FUT9: variants seen among roughly 807,000 people sequenced by gnomAD.
The protein encoded by FUT9 is 4-galactosyl-N-acetylglucosaminide 3-alpha-L-fucosyltransferase 9.
Under a neutral mutation model 29.7 loss-of-function variants are expected in FUT9, and 15 were observed. The ratio of observed to expected loss-of-function variants is 0.51; its 90% confidence interval spans 0.34 to 0.78. The LOEUF is 0.78. Ranked by LOEUF, FUT9 falls within the 30% of genes least tolerant of loss-of-function variation. The pLI is 0.01. For synonymous variants in FUT9, 169 were observed against 153.7 expected, an observed-to-expected ratio of 1.10 and a Z score of -0.74; for missense variants, 319 against 425.4, an observed-to-expected ratio of 0.75 and a Z score of 2.20.
Position 96,207,228 on chromosome 6 carries a change from C to T in FUT9, c.*2993C>T, listed in dbSNP as rs561947709. On this transcript the variant is annotated 3_prime_UTR_variant, in exon 3 of 3. Transcript: ENST00000302103. ...TATTCAAGACACACATTCACACACA[C>T]ATACACACACACACACACACACCCC... 3.3e-4 allele frequency: 36 copies of T among 108,594 alleles called. No individual in the cohort carries two copies. Among genetic ancestry groups the T allele is most frequent in the Non-Finnish European group, 4.9e-4 (20 of 40,802 alleles). 6.7% of individuals were successfully genotyped at this position (108,594 alleles called of 1,614,324 possible).
At chr6:96,056,365 G>C (rs1562110498) in intron 1 of FUT9, among the ~76,000 whole-genome samples, 1 of 152,142 alleles carries the variant, frequency 6.6e-6, no homozygotes, top group Non-Finnish European at 1.5e-5. Flanking sequence ...CTTTTGCCAA[G>C]GGCATTAAAA....
intron 1 of FUT9, among the ~76,000 whole-genome samples, chr6:96,096,761 T>A (rs1025785218): frequency 1.3e-5 from 2 of 151,410 alleles, no homozygotes; most frequent in African/African-American, 4.9e-5. Context: ...CTTTGCCTAC[T>A]CTATTGAAAA....
chr6:96,044,451 CTAAAG>C (rs200236730), intron 1 of FUT9, among the ~76,000 whole-genome samples: 1,768 of 152,280 alleles, frequency 0.012, 22 homozygotes, highest in African/African-American at 0.012. Context: ...GCCTGATAAA[CTAAAG>C]TAAACACAAA....
Position 96,040,525 on chromosome 6 carries a change from T to C in FUT9, c.-98+24313T>C, listed in dbSNP as rs553833697. Among the ~76,000 whole-genome samples, 4 of 152,258 alleles carry C rather than the reference T, an allele frequency of 2.6e-5. No homozygotes were observed. In the South Asian group the frequency reaches 8.3e-4, roughly 32 times the overall value. On this transcript the variant is annotated intron_variant, in intron 1 of 2. Transcript: ENST00000302103. Reference sequence around the variant, plus strand: ...CAGAAGGATCAGATCAAAAAACACCTTTCACGACAGGCAATTGAGCCGGCA... The same window carrying C: ...CAGAAGGATCAGATCAAAAAACACCCTTCACGACAGGCAATTGAGCCGGCA...
At position 96,178,412 on chromosome 6, in the gene FUT9, T is replaced by C. The variant is rs139052075; in HGVS notation, c.-8-24736T>C. On this transcript the variant is annotated intron_variant, in intron 2 of 2. Transcript: ENST00000302103. ...GTCATTTCTATTGTGCCACTAAATA[T>C]GTGATATTAGCACTAATCGAAATTT... 1.6e-3 allele frequency among the ~76,000 whole-genome samples: 248 copies of C among 152,308 alleles called. 4 individuals are homozygous for C. In the East Asian group the frequency reaches 0.044, roughly 27 times the overall value.
chr6:96,019,264 T>A (rs1186815486), intron 1 of FUT9, among the ~76,000 whole-genome samples: 1 of 151,952 alleles, frequency 6.6e-6, no homozygotes, highest in Non-Finnish European at 1.5e-5. Flanking sequence ...AACAATTTAG[T>A]GTCTTATGAA....
chr6:96,139,357 G>A (rs908825295), intron 2 of FUT9, among the ~76,000 whole-genome samples: 2 of 152,118 alleles, frequency 1.3e-5, no homozygotes, highest in African/African-American at 4.8e-5. Context: ...GTCTTTGCAG[G>A]GTACAGATCC....
intron 1 of FUT9, among the ~76,000 whole-genome samples, chr6:96,044,644 T>C (rs978116834): frequency 1.3e-5 from 2 of 149,440 alleles, no homozygotes; most frequent in Non-Finnish European, 2.9e-5. Flanking sequence ...TATTCTGTGC[T>C]TTTTTTTCCC....
chr6:96,059,054 T>G (rs957116624), intron 1 of FUT9, among the ~76,000 whole-genome samples: 2 of 152,216 alleles, frequency 1.3e-5, no homozygotes, highest in Non-Finnish European at 2.9e-5. Flanking sequence ...GTTTTTAATA[T>G]CTTGCTATAT....
At chr6:96,173,118 A>T (rs1311760235) in intron 2 of FUT9, among the ~76,000 whole-genome samples, 1 of 152,114 alleles carries the variant, frequency 6.6e-6, no homozygotes, top group Non-Finnish European at 1.5e-5. Flanking sequence ...TCCAGTCACA[A>T]TGGCATTTTT....
At chr6:96,057,294 A>G (rs961902239) in intron 1 of FUT9, among the ~76,000 whole-genome samples, 15 of 152,146 alleles carry the variant, frequency 9.9e-5, no homozygotes, top group African/African-American at 3.4e-4. Context: ...TACCTAGAAG[A>G]GTGGTAAAAT....
intron 1 of FUT9, among the ~76,000 whole-genome samples, chr6:96,051,769 TA>T (rs1770675415): frequency 6.6e-6 from 1 of 151,992 alleles, no homozygotes; most frequent in East Asian, 1.9e-4. Flanking sequence ...TGCAAACCAA[TA>T]TTATATATTA....
chr6:96,184,052 A>G (rs752310007), intron 2 of FUT9, among the ~76,000 whole-genome samples: 13 of 151,998 alleles, frequency 8.6e-5, no homozygotes, highest in Non-Finnish European at 1.2e-4. Context: ...GGTAGATTTC[A>G]GCTGTGACTC....
chr6:96,073,074 A>C (rs1456814736), intron 1 of FUT9, among the ~76,000 whole-genome samples: 1 of 152,172 alleles, frequency 6.6e-6, no homozygotes, highest in Non-Finnish European at 1.5e-5. Flanking sequence ...GAGCACAGGG[A>C]ACACCACGTT....
chr6:96,146,779 A>G (rs1280199976), intron 2 of FUT9, among the ~76,000 whole-genome samples: 1 of 152,178 alleles, frequency 6.6e-6, no homozygotes, highest in African/African-American at 2.4e-5. Context: ...GTTTAAATTT[A>G]TTTCAAAAGA....
intron 2 of FUT9, among the ~76,000 whole-genome samples, chr6:96,121,642 C>T (rs72931914): frequency 0.044 from 6,653 of 152,138 alleles, 183 homozygotes; most frequent in South Asian, 0.12. Flanking sequence ...TTATTTTAAA[C>T]TATATTGTAT....
chr6:96,151,507 T>G (rs4499942), intron 2 of FUT9, among the ~76,000 whole-genome samples: 62,299 of 152,004 alleles, frequency 0.41, 14,055 homozygotes, highest in South Asian at 0.71. Flanking sequence ...TTTAAAGATT[T>G]TATCAGGTAG....
intron 2 of FUT9, among the ~76,000 whole-genome samples, chr6:96,187,208 G>C (rs368313241): frequency 3.3e-4 from 50 of 152,212 alleles, no homozygotes; most frequent in African/African-American, 1.1e-3. Flanking sequence ...ATCATTAGCA[G>C]ATAGAGGACC....
At chr6:96,200,528 T>C (rs1773709479) in intron 2 of FUT9, among the ~76,000 whole-genome samples, 1 of 152,134 alleles carries the variant, frequency 6.6e-6, no homozygotes, top group South Asian at 2.1e-4. Flanking sequence ...TGTAAAATGC[T>C]TGGCACAAGG....
Sources: allele counts gnomAD v4.1 joint callset (sites outside exome capture counted in the v4.1 genomes callset), GRCh38; gene constraint gnomAD v4.1.1; transcripts MANE v1.5; gene names NCBI Gene and HGNC (gene_info 2026-07-23, HGNC 2026-07-21).